Variants in ANKRD17 observed in about 807,000 individuals in gnomAD.
The protein encoded by ANKRD17 is ankyrin repeat domain-containing protein 17.
A neutral mutation model predicts 229.7 loss-of-function variants in ANKRD17; 19 were observed. The ratio of observed to expected loss-of-function variants is 0.08; its 90% CI spans 0.06 to 0.12. ANKRD17 has a LOEUF of 0.12. ANKRD17 is among the 10% of genes least tolerant of loss of function. The probability of loss-of-function intolerance (pLI) is 1.00; values close to 1 mark genes in which losing one functional copy is unlikely to be tolerated. For missense variants in ANKRD17, 2,176 were observed against 3,176.8 expected, an observed-to-expected ratio of 0.68 and a Z score of 7.57; for synonymous variants, 1,112 against 1,146.1, an observed-to-expected ratio of 0.97 and a Z score of 0.60.
chr4:73,098,729 A>C, intron 25 of ANKRD17: 1 of 943,068 alleles, frequency 1.1e-6, no homozygotes, highest in Non-Finnish European at 1.7e-6. Flanking sequence ...GGTAGTTATA[A>C]AAAATATTTT....
At chr4:73,081,652 C>T (rs1254614059) in intron 30 of ANKRD17, among the ~76,000 whole-genome samples, 3 of 152,054 alleles carry the variant, frequency 2.0e-5, no homozygotes. Context: ...GGGCCTTAAA[C>T]TTACAAAATT....
At chr4:73,234,771 T>G (rs943065889) in intron 1 of ANKRD17, among the ~76,000 whole-genome samples, 1 of 152,216 alleles carries the variant, frequency 6.6e-6, no homozygotes, top group African/African-American at 2.4e-5. Context: ...CTTAAGAGAA[T>G]GATTCTGAAA....
rs113042026 is a variant in ANKRD17, at chr4:73,244,727, T to C, written c.393+13549A>G. Among the ~76,000 whole-genome samples the C allele has an allele frequency of 3.7e-3, 559 of 152,218 alleles. 6 individuals are homozygous for C. The highest frequency in any genetic ancestry group is 0.013 in the African/African-American group (544 of 41,546). ...CCTATACCTTAACTAATACAGTTAA[T>C]TGGAAATGACACGCTGCTCTAACAA... On this transcript the variant is annotated intron_variant, in intron 1 of 33. Coordinates refer to ENST00000358602, the MANE Select transcript of ANKRD17 (RefSeq NM_032217.5).
Position 73,192,213 on chromosome 4 carries a change from T to A in ANKRD17, c.394-14680A>T, listed in dbSNP as rs138839258. Reference sequence around the variant, plus strand: ...TCACTTGGACAAAGAACCTATTTTGTTCCTTGCTCTATCCCCTGTATCTAG... The same window carrying A: ...TCACTTGGACAAAGAACCTATTTTGATCCTTGCTCTATCCCCTGTATCTAG... On this transcript the variant is annotated intron_variant, in intron 1 of 33. Transcript: ENST00000358602. 1.8e-4 allele frequency among the ~76,000 whole-genome samples: 28 copies of A among 152,242 alleles called. No individual in the cohort carries two copies. In the East Asian group the frequency reaches 3.1e-3, roughly 17 times the overall value.
chr4:73,250,030 T>C (rs1744845839), intron 1 of ANKRD17, among the ~76,000 whole-genome samples: 1 of 152,158 alleles, frequency 6.6e-6, no homozygotes, highest in Non-Finnish European at 1.5e-5. Context: ...AAAATATACA[T>C]AATCTATTTT....
chr4:73,188,163 C>T (rs565680473), intron 1 of ANKRD17, among the ~76,000 whole-genome samples: 9 of 151,564 alleles, frequency 5.9e-5, no homozygotes, highest in East Asian at 1.9e-4. Flanking sequence ...TATAAGATGA[C>T]GACACTACTT....
chr4:73,250,168 C>CAA (rs1744859611), intron 1 of ANKRD17, among the ~76,000 whole-genome samples: 1 of 152,254 alleles, frequency 6.6e-6, no homozygotes, highest in East Asian at 1.9e-4. Context: ...ATCATTTACT[C>CAA]AAAACACATT....
intron 10 of ANKRD17, among the ~76,000 whole-genome samples, chr4:73,146,394 T>C (rs1008486581): frequency 3.3e-5 from 5 of 152,186 alleles, no homozygotes; most frequent in African/African-American, 1.2e-4. Context: ...CTGAATATTG[T>C]AGGCATAATT....
Position 73,224,116 on chromosome 4 carries a change from C to T in ANKRD17, c.393+34160G>A, listed in dbSNP as rs528558976. ...ACTAAAAATACAAAAATTAGCTGGG[C>T]GTGGTAGTGCATGCCTGTAATCCCA... On this transcript the variant is annotated intron_variant, in intron 1 of 33. Transcript: ENST00000358602. Among the ~76,000 whole-genome samples the T allele has an allele frequency of 1.7e-3, 259 of 152,162 alleles. 1 individual carries two copies. Among genetic ancestry groups the T allele is most frequent in the African/African-American group, 5.6e-3 (232 of 41,516 alleles).
intron 18 of ANKRD17, among the ~76,000 whole-genome samples, chr4:73,122,159 A>T (rs1726826277): frequency 6.6e-6 from 1 of 152,226 alleles, no homozygotes; most frequent in African/African-American, 2.4e-5. Context: ...GTATTTTAAA[A>T]GCATGGTATA....
At chr4:73,231,173 G>C (rs986683909) in intron 1 of ANKRD17, among the ~76,000 whole-genome samples, 2 of 152,036 alleles carry the variant, frequency 1.3e-5, no homozygotes, top group African/African-American at 4.8e-5. Flanking sequence ...AGGTCTAGGG[G>C]ACCTGGGGAT....
At chr4:73,156,235 T>G in intron 3 of ANKRD17, 69 bp from the exon 4 acceptor site, 1 of 1,485,272 alleles carries the variant, frequency 6.7e-7, no homozygotes, top group Non-Finnish European at 9.0e-7. Flanking sequence ...ATAAATATTG[T>G]TTTTGATTGT....
chr4:73,234,448 T>C (rs1021928005), intron 1 of ANKRD17, among the ~76,000 whole-genome samples: 13 of 152,246 alleles, frequency 8.5e-5, no homozygotes, highest in Non-Finnish European at 1.2e-4. Context: ...TTGTCCTCAA[T>C]TGTCTGATTA....
At chr4:73,113,359 C>G (rs1725560249) in intron 24 of ANKRD17, 1 of 1,289,616 alleles carries the variant, frequency 7.8e-7, no homozygotes, top group Non-Finnish European at 1.0e-6. Context: ...AAAGTGTACT[C>G]ATTTGACATT....
chr4:73,148,583 C>A (rs531738712), intron 8 of ANKRD17, among the ~76,000 whole-genome samples: 1 of 152,210 alleles, frequency 6.6e-6, no homozygotes, highest in South Asian at 2.1e-4. Context: ...TTCTGTTTTT[C>A]GTTCACATAT....
intron 1 of ANKRD17, among the ~76,000 whole-genome samples, chr4:73,218,258 A>C (rs944303552): frequency 3.9e-5 from 6 of 152,364 alleles, no homozygotes; most frequent in Non-Finnish European, 7.3e-5. Flanking sequence ...TGCTGAAAAC[A>C]TGAGTTTCAA....
intron 30 of ANKRD17, among the ~76,000 whole-genome samples, chr4:73,079,406 T>C (rs745393586): frequency 3.7e-4 from 56 of 152,180 alleles, no homozygotes; most frequent in Non-Finnish European, 6.8e-4. Context: ...ATTTATGTAT[T>C]TTTGGAGACA....
chr4:73,115,658 A>C (rs553359274), intron 23 of ANKRD17, among the ~76,000 whole-genome samples, 163 bp downstream of exon 23: 14 of 152,214 alleles, frequency 9.2e-5, no homozygotes, highest in Non-Finnish European at 1.6e-4. Flanking sequence ...TTAGGTAAGT[A>C]AATAATCTGC....
intron 1 of ANKRD17, 144 bp downstream of exon 1, chr4:73,258,132 C>T: frequency 3.5e-6 from 5 of 1,440,932 alleles, no homozygotes; most frequent in Middle Eastern, 2.4e-4. Flanking sequence ...CGATTTAGGC[C>T]GAGGGAAGAA....
Sources: gnomAD v4.1 joint callset for allele counts (sites outside exome capture counted in the v4.1 genomes callset) on GRCh38, gnomAD v4.1.1 for gene constraint, MANE v1.5 for transcripts, NCBI Gene and HGNC (gene_info 2026-07-23, HGNC 2026-07-21) for gene names.